Variants in AFF2 observed in about 807,000 individuals in gnomAD.
AFF2 encodes the protein AF4/FMR2 family member 2.
A neutral mutation model predicts 76.9 loss-of-function variants in AFF2; 14 were observed. That is an observed-to-expected ratio of 0.18 (90% CI 0.12 to 0.28). AFF2 has a LOEUF of 0.28. Ranked by LOEUF, AFF2 falls within the 10% of genes least tolerant of loss-of-function variation. AFF2 has a pLI of 1.00. For missense variants in AFF2, 868 were observed against 1,001.1 expected, an observed-to-expected ratio of 0.87 and a Z score of 1.79; for synonymous variants, 398 against 366.7, an observed-to-expected ratio of 1.09 and a Z score of -0.98.
chrX:148,711,429 A>T (rs1240029097), intron 3 of AFF2, among the ~76,000 whole-genome samples: 2 of 112,080 alleles, frequency 1.8e-5, no homozygotes, highest in African/African-American at 3.2e-5. Context: ...ATTTGATGTT[A>T]CTAATTTTCA....
intron 7 of AFF2, among the ~76,000 whole-genome samples, chrX:148,848,366 C>T (rs1421546956): frequency 8.9e-6 from 1 of 112,199 alleles, no homozygotes; most frequent in Non-Finnish European, 1.9e-5. Flanking sequence ...ACAGGAATTA[C>T]ATTATTTTTA....
intron 3 of AFF2, among the ~76,000 whole-genome samples, chrX:148,769,443 G>A (rs191167856): frequency 9.0e-6 from 1 of 111,611 alleles, no homozygotes; most frequent in East Asian, 2.8e-4. Context: ...AGGCAGCAGG[G>A]ACAATGATGT....
chrX:148,519,467 G>A (rs144675821), intron 1 of AFF2, among the ~76,000 whole-genome samples: 3,758 of 111,829 alleles, frequency 0.034, 165 homozygotes, highest in African/African-American at 0.11. Context: ...TCCCACTCAC[G>A]TAGACATGAA....
chrX:148,892,130 T>A (rs2071230650), intron 8 of AFF2, among the ~76,000 whole-genome samples: 1 of 111,592 alleles, frequency 9.0e-6, no homozygotes, highest in Non-Finnish European at 1.9e-5. Context: ...TACCCAATTT[T>A]ATTTAACCCC....
intron 1 of AFF2, among the ~76,000 whole-genome samples, chrX:148,599,440 C>T (rs1221514158): frequency 9.0e-6 from 1 of 111,196 alleles, no homozygotes; most frequent in Non-Finnish European, 1.9e-5. Context: ...TCAGTCCAAA[C>T]ATTTGACTTG....
At chrX:148,672,574 A>T (rs1416114613) in intron 3 of AFF2, among the ~76,000 whole-genome samples, 1 of 112,208 alleles carries the variant, frequency 8.9e-6, no homozygotes, top group Non-Finnish European at 1.9e-5. Context: ...GGGCAAGAGA[A>T]TAATGAGCTG....
At chrX:148,730,628 G>A (rs2055209619) in intron 3 of AFF2, among the ~76,000 whole-genome samples, 1 of 112,790 alleles carries the variant, frequency 8.9e-6, no homozygotes, top group African/African-American at 3.2e-5. Context: ...GCATTGACAT[G>A]ATCCGAACTA....
intron 1 of AFF2, among the ~76,000 whole-genome samples, chrX:148,528,683 AT>A (rs1280613926): frequency 1.8e-5 from 2 of 111,513 alleles, no homozygotes; most frequent in African/African-American, 6.5e-5. Flanking sequence ...CAGTTCATTA[AT>A]TTTTTTCATA....
chrX:148,597,191 C>T (rs1375646601), intron 1 of AFF2, among the ~76,000 whole-genome samples: 1 of 111,334 alleles, frequency 9.0e-6, no homozygotes, highest in African/African-American at 3.3e-5. Context: ...CCGAAAAATG[C>T]TTAATGTCTT....
chrX:148,516,444 G>A (rs2052535633), intron 1 of AFF2, among the ~76,000 whole-genome samples: 2 of 111,558 alleles, frequency 1.8e-5, no homozygotes, highest in South Asian at 7.5e-4. Context: ...ACGTTTCCAG[G>A]AGGAATCAAA....
In AFF2 at chrX:148,998,050, G is replaced by C. The variant is rs1319110444; in HGVS notation, c.*6718G>C. 4.5e-5 allele frequency: 5 copies of C among 112,061 alleles called. No individual in the cohort carries two copies. The highest frequency in any genetic ancestry group is 1.6e-4 in the African/African-American group (5 of 30,660). 9.2% of individuals were successfully genotyped at this position (112,061 alleles called of 1,213,427 possible). A position where few individuals can be genotyped will look rare whatever the true frequency, so the allele number is the denominator to read the frequency against. On this transcript the variant is annotated 3_prime_UTR_variant, in exon 21 of 21. Coordinates refer to ENST00000370460, the MANE Select transcript of AFF2 (RefSeq NM_002025.4). The stretch of plus-strand genomic sequence containing the variant: ...GTGCTTCTGAAGATTGTTTGCTGTA[G>C]TGTTGTCTTTGATAAAATGAATGTC...
chrX:148,696,165 G>A (rs1210539772), intron 3 of AFF2, among the ~76,000 whole-genome samples: 1 of 111,165 alleles, frequency 9.0e-6, no homozygotes, highest in Non-Finnish European at 1.9e-5. Flanking sequence ...TGATGAAATG[G>A]TGCTGACTTC....
chrX:148,780,810 C>T (rs1000212471), intron 3 of AFF2, among the ~76,000 whole-genome samples: 1 of 111,651 alleles, frequency 9.0e-6, no homozygotes, highest in African/African-American at 3.3e-5. Context: ...GAGTTGTGAT[C>T]CTTTGGAAGA....
intron 9 of AFF2, among the ~76,000 whole-genome samples, chrX:148,928,290 C>T (rs181124013): frequency 1.9e-4 from 21 of 112,204 alleles, no homozygotes; most frequent in African/African-American, 6.8e-4. Flanking sequence ...AAATTGCAAA[C>T]CAATTTGTGG....
intron 7 of AFF2, among the ~76,000 whole-genome samples, chrX:148,848,497 A>G (rs139430570): frequency 0.01 from 1,147 of 112,595 alleles, 18 homozygotes; most frequent in African/African-American, 0.034. Context: ...TTGAAATTTA[A>G]GAACTGCAAT....
At chrX:148,978,337 C>T (rs1557290515) in intron 17 of AFF2, 25 bp from the exon 18 acceptor site, 1 of 1,099,744 alleles carries the variant, frequency 9.1e-7, no homozygotes, top group Non-Finnish European at 1.3e-6. Context: ...CTGGCATTAA[C>T]AGAAGCCTTT....
intron 3 of AFF2, among the ~76,000 whole-genome samples, chrX:148,738,825 G>C (rs1400260753): frequency 9.0e-6 from 1 of 111,391 alleles, no homozygotes; most frequent in African/African-American, 3.3e-5. Context: ...TGTCATTATT[G>C]TCATTCAGTT....
intron 1 of AFF2, among the ~76,000 whole-genome samples, chrX:148,559,043 T>G (rs1253454177): frequency 9.0e-6 from 1 of 111,002 alleles, no homozygotes; most frequent in Non-Finnish European, 1.9e-5. Context: ...ACAGGTTCAA[T>G]CCTGTAAGAG....
At chrX:148,964,602 A>T (rs1343618984) in intron 13 of AFF2, among the ~76,000 whole-genome samples, 2 of 111,777 alleles carry the variant, frequency 1.8e-5, no homozygotes, top group Non-Finnish European at 1.9e-5. Context: ...ATTCATAGAG[A>T]CAGACAGTAG....
Sources: allele counts gnomAD v4.1 joint callset (sites outside exome capture counted in the v4.1 genomes callset), GRCh38; gene constraint gnomAD v4.1.1; transcripts MANE v1.5; gene names NCBI Gene and HGNC (gene_info 2026-07-23, HGNC 2026-07-21).